Variants in GPHN observed in about 807,000 individuals in gnomAD.
GPHN encodes the protein gephyrin.
In GPHN, 17 loss-of-function variants were observed where a neutral mutation model predicts 95.5. That is an observed-to-expected ratio of 0.18 (90% CI 0.12 to 0.27). The LOEUF (loss-of-function observed/expected upper bound fraction) is 0.27. Ranked by LOEUF, GPHN falls within the 10% of genes least tolerant of loss-of-function variation. GPHN has a pLI of 1.00. For missense variants in GPHN, 660 were observed against 978.1 expected (o/e 0.67, Z 4.34); for synonymous variants, 320 against 322.5 (o/e 0.99, Z 0.08).
At chr14:67,361,973 C>G in the GPHN span, among the ~76,000 whole-genome samples, 6 of 150,686 alleles carry the variant, frequency 4.0e-5, no homozygotes, top group South Asian at 4.3e-4. Flanking sequence ...TAGTTTGTTT[C>G]CCACTCTATA....
the GPHN span, among the ~76,000 whole-genome samples, chr14:67,238,318 G>GAGTGC: frequency 7.1e-6 from 1 of 141,522 alleles, no homozygotes; most frequent in Non-Finnish European, 1.5e-5. Context: ...GCTCAGGCTA[G>GAGTGC]AGTGCAGTGA....
At chr14:66,773,993 G>GT (rs1172451199) in intron 2 of GPHN, among the ~76,000 whole-genome samples, 2,113 of 89,956 alleles carry the variant, frequency 0.023, 359 homozygotes, top group Non-Finnish European at 0.032. Flanking sequence ...TATCTAGAAA[G>GT]TTTTTTTTTT....
Position 66,794,021 on chromosome 14 carries a change from C to A in GPHN, c.201+17500C>A, listed in dbSNP as rs555645486. ...ATGACAAGTATTTTTAAAAACCCAT[C>A]TGTGTGCTTTCTGCAGTAGACATAT... is the stretch of plus-strand genomic sequence containing the variant. On this transcript the variant is annotated intron_variant, in intron 3 of 22. Coordinates refer to ENST00000478722, the MANE Select transcript of GPHN (RefSeq NM_020806.5). Among the ~76,000 whole-genome samples the A allele has an allele frequency of 4.6e-5, 7 of 152,262 alleles. No homozygotes were observed. In the East Asian group the frequency reaches 1.3e-3, roughly 29 times the overall value.
intron 1 of GPHN, among the ~76,000 whole-genome samples, chr14:66,580,906 A>G (rs1323090840): frequency 6.6e-6 from 1 of 151,848 alleles, no homozygotes; most frequent in African/African-American, 2.4e-5. Context: ...AGATAGATGC[A>G]GAAATTCTCA....
the GPHN span, among the ~76,000 whole-genome samples, chr14:67,481,985 G>C: frequency 3.3e-5 from 5 of 152,244 alleles, no homozygotes; most frequent in East Asian, 9.6e-4. Flanking sequence ...GAATGCAGGA[G>C]GACAGAGTTT....
chr14:66,554,930 T>C (rs2059950579), intron 1 of GPHN, among the ~76,000 whole-genome samples: 1 of 152,206 alleles, frequency 6.6e-6, no homozygotes, highest in Non-Finnish European at 1.5e-5. Flanking sequence ...AAGCAAATGC[T>C]TGAAGTAGAA....
chr14:66,638,809 G>T (rs933696747), intron 1 of GPHN, among the ~76,000 whole-genome samples: 5 of 151,772 alleles, frequency 3.3e-5, no homozygotes, highest in Non-Finnish European at 7.4e-5. Flanking sequence ...AGATATCAGG[G>T]CTCTAATGTT....
At chr14:66,835,880 T>A (rs1422468263) in intron 4 of GPHN, among the ~76,000 whole-genome samples, 75 of 151,068 alleles carry the variant, frequency 5.0e-4, no homozygotes, top group African/African-American at 1.6e-3. Context: ...GAATCCAACT[T>A]ACAAGGGATG....
At position 66,508,403 on chromosome 14, in the gene GPHN, G is replaced by A; in HGVS notation, c.-125G>A. The stretch of plus-strand genomic sequence containing the variant: ...CTCTGTGGCCTCCCCCTCCTTCCCC[G>A]CTCTCCTCGCGCTTCTCTGGCTCCC... On this transcript the variant is annotated 5_prime_UTR_variant, in exon 1 of 23. Transcript: ENST00000478722. 1 of 868,520 alleles carries A rather than the reference G, an allele frequency of 1.2e-6. No homozygotes were observed. The highest frequency in any genetic ancestry group is 1.3e-5 in the South Asian group (1 of 76,034). The allele number at this position is 868,520 out of a possible 1,614,324, so 53.8% of individuals were successfully genotyped here. A position where few individuals can be genotyped will look rare whatever the true frequency, so the allele number is the denominator to read the frequency against.
chr14:67,299,411 G>A, the GPHN span, among the ~76,000 whole-genome samples: 1 of 151,760 alleles, frequency 6.6e-6, no homozygotes, highest in Non-Finnish European at 1.5e-5. Context: ...CCTTCCTTTT[G>A]GTTATCAATT....
chr14:66,963,608 A>G (rs2069111837), intron 8 of GPHN, among the ~76,000 whole-genome samples: 1 of 152,090 alleles, frequency 6.6e-6, no homozygotes, highest in Admixed American at 6.5e-5. Context: ...TTTTAATTGG[A>G]TAAGTGGCAA....
intron 12 of GPHN, among the ~76,000 whole-genome samples, chr14:67,095,509 G>A (rs1291164132): frequency 1.3e-5 from 2 of 152,132 alleles, no homozygotes; most frequent in African/African-American, 4.8e-5. Context: ...ATTCACAATA[G>A]CAAAGACTTG....
chr14:67,725,179 T>A, the GPHN span: 2 of 1,614,156 alleles, frequency 1.2e-6, no homozygotes, highest in Non-Finnish European at 1.7e-6. Flanking sequence ...TACAAAGAAC[T>A]CCCAGGTGCT....
intron 8 of GPHN, among the ~76,000 whole-genome samples, chr14:66,964,405 T>A (rs1378166628): frequency 1.3e-5 from 2 of 152,096 alleles, no homozygotes; most frequent in East Asian, 3.9e-4. Flanking sequence ...CTAGCAGACG[T>A]CAGATAGCAT....
chr14:66,717,797 G>C (rs188681666), intron 2 of GPHN, among the ~76,000 whole-genome samples: 1 of 152,280 alleles, frequency 6.6e-6, no homozygotes, highest in African/African-American at 2.4e-5. Context: ...GCCATCTACC[G>C]CGCCTACCCG....
At chr14:67,401,913 C>T in the GPHN span, among the ~76,000 whole-genome samples, 1 of 152,118 alleles carries the variant, frequency 6.6e-6, no homozygotes, top group Non-Finnish European at 1.5e-5. Flanking sequence ...CACCCAACTC[C>T]TGAGGTCAGG....
intron 3 of GPHN, among the ~76,000 whole-genome samples, chr14:66,782,964 G>C (rs1256820615): frequency 6.6e-6 from 1 of 152,104 alleles, no homozygotes; most frequent in African/African-American, 2.4e-5. Flanking sequence ...GAGTTACTTG[G>C]GTTTCCTTAT....
At chr14:66,926,228 C>T (rs979596444) in intron 8 of GPHN, among the ~76,000 whole-genome samples, 8 of 152,228 alleles carry the variant, frequency 5.3e-5, no homozygotes, top group Admixed American at 2.6e-4. Context: ...CTTTGTTAGG[C>T]GAAGCTTTTT....
chr14:67,518,759 T>C, the GPHN span, among the ~76,000 whole-genome samples: 1 of 152,214 alleles, frequency 6.6e-6, no homozygotes, highest in African/African-American at 2.4e-5. Context: ...TTTATGCTTG[T>C]TAGAGAGAAT....
Sources: gnomAD v4.1 joint callset for allele counts (sites outside exome capture counted in the v4.1 genomes callset) on GRCh38, gnomAD v4.1.1 for gene constraint, MANE v1.5 for transcripts, NCBI Gene and HGNC (gene_info 2026-07-23, HGNC 2026-07-21) for gene names.